Variants in AIG1 observed in about 807,000 individuals in gnomAD.
AIG1 encodes the protein androgen induced 1, also known as androgen-induced gene 1 protein.
In AIG1, 23 loss-of-function variants were observed where a neutral mutation model predicts 31.4. That is an observed-to-expected ratio of 0.73 (90% CI 0.53 to 1.04). The LOEUF (loss-of-function observed/expected upper bound fraction) is 1.04. Ranked by LOEUF, AIG1 falls within the 50% of genes least tolerant of loss-of-function variation. The pLI is 0.00. For synonymous variants in AIG1, 100 were observed against 110.5 expected, an observed-to-expected ratio of 0.90 and a Z score of 0.60; for missense variants, 274 against 295.0, an observed-to-expected ratio of 0.93 and a Z score of 0.52.
At chr6:143,229,784 CAAAAAAAA>C (rs751464049) in intron 3 of AIG1, among the ~76,000 whole-genome samples, 18 of 80,712 alleles carry the variant, frequency 2.2e-4, no homozygotes, top group Non-Finnish European at 4.6e-4. Context: ...ACTCTCAGAA[CAAAAAAAA>C]AAAAAAAAAA....
At chr6:143,343,431 GC>G, downstream of AIG1, 1 of 481,636 alleles carries the variant, frequency 2.1e-6, no homozygotes. Context: ...CTGCCGGAGA[GC>G]CCCAGGAGAC....
intron 4 of AIG1, among the ~76,000 whole-genome samples, chr6:143,317,901 C>A (rs1326030825): frequency 6.6e-6 from 1 of 151,708 alleles, no homozygotes; most frequent in Non-Finnish European, 1.5e-5. Flanking sequence ...ACAGTAGCTG[C>A]AAAAAATAAA....
At chr6:143,222,181 C>T (rs992115706) in intron 3 of AIG1, among the ~76,000 whole-genome samples, 1 of 152,066 alleles carries the variant, frequency 6.6e-6, no homozygotes, top group African/African-American at 2.4e-5. Context: ...TCTCAGCTCA[C>T]GTAGTACGTT....
At chr6:143,214,868 C>A (rs867729633) in intron 3 of AIG1, among the ~76,000 whole-genome samples, 6 of 152,304 alleles carry the variant, frequency 3.9e-5, no homozygotes, top group Admixed American at 6.5e-5. Flanking sequence ...CCTGTTTCTC[C>A]CTACAAACTC....
intron 1 of AIG1, among the ~76,000 whole-genome samples, chr6:143,119,479 AACAG>A (rs1240367497): frequency 6.6e-6 from 1 of 152,190 alleles, no homozygotes; most frequent in Non-Finnish European, 1.5e-5. Flanking sequence ...TACTTACCTT[AACAG>A]ATGCATACTT....
rs2128720733 is a variant in AIG1, at chr6:143,328,511, T to C, written c.516-4771T>C. Among the ~76,000 whole-genome samples, 1 of 152,338 alleles carries C rather than the reference T, an allele frequency of 6.6e-6. No homozygotes were observed. Among genetic ancestry groups the C allele is most frequent in the Non-Finnish European group, 1.5e-5 (1 of 68,020 alleles). On this transcript the variant is annotated intron_variant, in intron 4 of 5. Coordinates refer to ENST00000357847, the MANE Select transcript of AIG1 (RefSeq NM_016108.4). This position sits in a 1 kb window ranked among gnomAD's most constrained non-coding sequence, Gnocchi z 4.0. ...ATGGCACGCCTACACTTACCCTTTC[T>C]TAATTCTGACTACACTTGTAATTCT...
intron 3 of AIG1, among the ~76,000 whole-genome samples, chr6:143,278,485 T>G (rs369063692): frequency 1.4e-3 from 206 of 151,338 alleles, no homozygotes; most frequent in African/African-American, 4.6e-3. Context: ...TTTTTTCTTT[T>G]TGAGACTGAG....
At chr6:143,246,955 A>G (rs968378552) in intron 3 of AIG1, among the ~76,000 whole-genome samples, 3 of 152,234 alleles carry the variant, frequency 2.0e-5, no homozygotes, top group Non-Finnish European at 4.4e-5. Context: ...CAGGAAAAGG[A>G]TACAGAATAA....
chr6:143,127,096 T>G lies in AIG1; in HGVS notation c.142-9739T>G, dbSNP rs778643453. Among the ~76,000 whole-genome samples the G allele has an allele frequency of 2.6e-5, 4 of 152,306 alleles. No individual in the cohort carries two copies. The South Asian group carries it at 8.3e-4, about 32-fold the overall frequency. ...AGACTATTCCTCTCTGGATTACATA[T>G]AAATTTATTAAATGTCACATAATAC... On this transcript the variant is annotated intron_variant, in intron 1 of 5. Transcript: ENST00000357847.
chr6:143,308,636 A>T (rs1348311125), intron 4 of AIG1, among the ~76,000 whole-genome samples: 1 of 152,234 alleles, frequency 6.6e-6, no homozygotes. Context: ...CATTCAAATA[A>T]GGAGAATAAT....
intron 4 of AIG1, among the ~76,000 whole-genome samples, chr6:143,318,970 A>G (rs549059884): frequency 6.6e-6 from 1 of 152,264 alleles, no homozygotes; most frequent in Non-Finnish European, 1.5e-5. Context: ...AAAAAATAAA[A>G]AATAATAGAT....
At chr6:143,082,811 T>C (rs533230996) in intron 1 of AIG1, among the ~76,000 whole-genome samples, 1 of 152,280 alleles carries the variant, frequency 6.6e-6, no homozygotes, top group African/African-American at 2.4e-5. Flanking sequence ...TCATGTTTTT[T>C]CTGTGACATA....
At chr6:143,130,128 AC>A (rs1245598518) in intron 1 of AIG1, among the ~76,000 whole-genome samples, 1 of 151,824 alleles carries the variant, frequency 6.6e-6, no homozygotes, top group Non-Finnish European at 1.5e-5. Flanking sequence ...ATGGGGGTTC[AC>A]CATGTTGGCC....
At chr6:143,104,961 C>T (rs1206445266) in intron 1 of AIG1, among the ~76,000 whole-genome samples, 1 of 151,732 alleles carries the variant, frequency 6.6e-6, no homozygotes, top group African/African-American at 2.4e-5. Context: ...TAGTAGGCCT[C>T]GAATTGAACT....
At chr6:143,070,482 T>A (rs1777145960) in intron 1 of AIG1, among the ~76,000 whole-genome samples, 1 of 152,182 alleles carries the variant, frequency 6.6e-6, no homozygotes, top group Non-Finnish European at 1.5e-5. Flanking sequence ...TCTTAGTCCA[T>A]TTTGTGTTGC....
At chr6:143,243,264 A>C (rs7748846) in intron 3 of AIG1, among the ~76,000 whole-genome samples, 100,167 of 152,104 alleles carry the variant, frequency 0.66, 34,640 homozygotes, top group East Asian at 0.95. Context: ...TGGAATTATA[A>C]TAAGACATTC....
At chr6:143,319,133 C>G (rs1173317158) in intron 4 of AIG1, among the ~76,000 whole-genome samples, 1 of 151,918 alleles carries the variant, frequency 6.6e-6, no homozygotes, top group Non-Finnish European at 1.5e-5. Context: ...GGGTATCTAC[C>G]CAGAGGAAAA....
At chr6:143,207,394 CA>C (rs1405089280) in intron 3 of AIG1, among the ~76,000 whole-genome samples, 1 of 151,900 alleles carries the variant, frequency 6.6e-6, no homozygotes, top group Non-Finnish European at 1.5e-5. Flanking sequence ...CTGTTAATGT[CA>C]TTGCTTCCAT....
chr6:143,154,914 C>T (rs1166213491), intron 2 of AIG1, among the ~76,000 whole-genome samples: 1 of 149,660 alleles, frequency 6.7e-6, no homozygotes, highest in Non-Finnish European at 1.5e-5. Context: ...GCGGTGTGAT[C>T]TCGGTGCACT....
Sources: gnomAD v4.1 joint callset for allele counts (sites outside exome capture counted in the v4.1 genomes callset) on GRCh38, gnomAD v4.1.1 for gene constraint, Gnocchi (gnomAD v3.1) non-coding constraint, MANE v1.5 for transcripts, NCBI Gene and HGNC (gene_info 2026-07-23, HGNC 2026-07-21) for gene names.